Variants in RHBDD1 observed in about 807,000 individuals in gnomAD.
The protein encoded by RHBDD1 is rhomboid-related protein 4.
In RHBDD1, 38 loss-of-function variants were observed where a neutral mutation model predicts 36.3. The observed-to-expected ratio is 1.05, with a 90% confidence interval of 0.81 to 1.37. The LOEUF (loss-of-function observed/expected upper bound fraction) is 1.37, where lower values mean the gene tolerates loss of function less well. Among genes scored for constraint, RHBDD1 ranks in the 40% most tolerant of loss-of-function variants. The pLI is 0.00. For missense variants in RHBDD1, 393 were observed against 377.6 expected, an observed-to-expected ratio of 1.04 and a Z score of -0.34; for synonymous variants, 151 against 136.5, an observed-to-expected ratio of 1.11 and a Z score of -0.74.
At chr2:226,904,369 G>C (rs58123759) in intron 5 of RHBDD1, among the ~76,000 whole-genome samples, 1 of 146,570 alleles carries the variant, frequency 6.8e-6, no homozygotes, top group Non-Finnish European at 1.5e-5. Flanking sequence ...AAGCATGCAC[G>C]GTCACCAAAC....
chr2:226,876,374 A>G (rs2125343228), intron 5 of RHBDD1, among the ~76,000 whole-genome samples: 1 of 152,356 alleles, frequency 6.6e-6, no homozygotes. Context: ...AGCAGTTTCC[A>G]AGGCCCAGTG....
the RHBDD1 span, among the ~76,000 whole-genome samples, chr2:226,829,758 T>C: frequency 6.6e-6 from 1 of 152,182 alleles, no homozygotes; most frequent in Non-Finnish European, 1.5e-5. Context: ...TGTGTATGTA[T>C]GTGTGTATTT....
chr2:226,873,368 G>A (rs1402757429), intron 5 of RHBDD1, among the ~76,000 whole-genome samples: 4 of 152,218 alleles, frequency 2.6e-5, no homozygotes, highest in Non-Finnish European at 5.9e-5. Flanking sequence ...GGGAGGAAGT[G>A]TGACAGAGGG....
At chr2:226,831,700 T>C (rs1940744063), upstream of RHBDD1, among the ~76,000 whole-genome samples, 1 of 151,308 alleles carries the variant, frequency 6.6e-6, no homozygotes, top group Non-Finnish European at 1.5e-5. Context: ...ACCTAGTTTA[T>C]AATACTTTTT....
At chr2:226,874,319 A>G (rs760023225) in intron 5 of RHBDD1, among the ~76,000 whole-genome samples, 14 of 152,148 alleles carry the variant, frequency 9.2e-5, no homozygotes, top group Non-Finnish European at 1.2e-4. Flanking sequence ...GGTGTTCTCT[A>G]TGGATGTCAG....
intron 5 of RHBDD1, among the ~76,000 whole-genome samples, chr2:226,882,486 G>C (rs1292037041): frequency 1.4e-5 from 2 of 144,018 alleles, no homozygotes; most frequent in Non-Finnish European, 1.5e-5. Context: ...GAAATGATAA[G>C]ATGGGTTGTT....
At chr2:226,922,627 T>G (rs1949405367) in intron 8 of RHBDD1, among the ~76,000 whole-genome samples, 1 of 152,192 alleles carries the variant, frequency 6.6e-6, no homozygotes, top group African/African-American at 2.4e-5. Flanking sequence ...CTATTATTGT[T>G]TAGTAAAGAT....
intron 8 of RHBDD1, among the ~76,000 whole-genome samples, chr2:226,937,873 T>G (rs1950432126): frequency 1.3e-5 from 2 of 152,230 alleles, no homozygotes; most frequent in Non-Finnish European, 2.9e-5. Flanking sequence ...ACCATGTCTT[T>G]CCTATTGTGA....
intron 8 of RHBDD1, among the ~76,000 whole-genome samples, chr2:226,955,330 G>A (rs982200475): frequency 1.3e-5 from 2 of 152,172 alleles, no homozygotes; most frequent in Admixed American, 1.3e-4. Context: ...GAAAGTTTGC[G>A]GTGTTTTGCA....
chr2:226,915,666 G>C (rs1293791407), intron 8 of RHBDD1, among the ~76,000 whole-genome samples: 2 of 152,118 alleles, frequency 1.3e-5, no homozygotes, highest in African/African-American at 4.8e-5. Context: ...AGTGTGCATG[G>C]AGGTGGGGAA....
intron 8 of RHBDD1, among the ~76,000 whole-genome samples, chr2:226,958,135 A>T (rs983573975): frequency 2.0e-5 from 3 of 152,244 alleles, no homozygotes; most frequent in Non-Finnish European, 4.4e-5. Flanking sequence ...GAAACAACCC[A>T]AATGCTGATC....
chr2:226,943,694 C>A (rs536412413), intron 8 of RHBDD1, among the ~76,000 whole-genome samples: 20 of 152,196 alleles, frequency 1.3e-4, no homozygotes, highest in African/African-American at 4.3e-4. Flanking sequence ...AAATTTTAAA[C>A]CTCAAGTAAT....
At chr2:226,903,646 C>T (rs4675114) in intron 5 of RHBDD1, among the ~76,000 whole-genome samples, 66,190 of 151,920 alleles carry the variant, frequency 0.44, 14,613 homozygotes, top group South Asian at 0.5. Flanking sequence ...AGTAGTGACA[C>T]GGACAGGAGG....
At chr2:226,837,670 G>A (rs1488864496) in intron 1 of RHBDD1, 2 of 152,206 alleles carry the variant, frequency 1.3e-5, no homozygotes, top group African/African-American at 4.8e-5. Flanking sequence ...CCAGGTAGCT[G>A]GGATTACAGG....
chr2:226,957,978 T>C (rs542750337), intron 8 of RHBDD1, among the ~76,000 whole-genome samples: 2 of 152,198 alleles, frequency 1.3e-5, no homozygotes, highest in South Asian at 4.2e-4. Context: ...CTTTGGACAA[T>C]AGTCTGGCAG....
intron 5 of RHBDD1, among the ~76,000 whole-genome samples, chr2:226,884,372 G>A (rs1946042670): frequency 6.6e-6 from 1 of 152,082 alleles, no homozygotes; most frequent in Non-Finnish European, 1.5e-5. Flanking sequence ...AACCAGCTGA[G>A]AACAGGCTGC....
At chr2:226,897,808 T>TA (rs929437229) in intron 5 of RHBDD1, among the ~76,000 whole-genome samples, 2 of 151,964 alleles carry the variant, frequency 1.3e-5, no homozygotes, top group Non-Finnish European at 2.9e-5. Context: ...CTGTCTCTAC[T>TA]AAAAAAACAA....
At chr2:226,963,770 G>A (rs2149275600) in intron 8 of RHBDD1, among the ~76,000 whole-genome samples, 1 of 152,228 alleles carries the variant, frequency 6.6e-6, no homozygotes, top group East Asian at 1.9e-4. Flanking sequence ...AGCAGACTGA[G>A]CCTATCATAC....
At chr2:226,880,742 TTTCTTTAGGTA>T (rs1474865228) in intron 5 of RHBDD1, among the ~76,000 whole-genome samples, 1 of 152,186 alleles carries the variant, frequency 6.6e-6, no homozygotes, top group Non-Finnish European at 1.5e-5. Context: ...ACTACTGAGT[TTTCTTTAGGTA>T]TTCTTTTCAA....
Sources: gnomAD v4.1 joint callset for allele counts (sites outside exome capture counted in the v4.1 genomes callset) on GRCh38, gnomAD v4.1.1 for gene constraint, MANE v1.5 for transcripts, NCBI Gene and HGNC (gene_info 2026-07-23, HGNC 2026-07-21) for gene names.